ISL1: variants seen among roughly 807,000 people sequenced by gnomAD.
ISL1 encodes insulin gene enhancer protein ISL-1.
A neutral mutation model predicts 35.3 loss-of-function variants in ISL1; 4 were observed. The observed-to-expected ratio is 0.11, with a 90% CI of 0.06 to 0.26. ISL1 has a LOEUF of 0.26. Among genes scored for constraint, ISL1 ranks in the 10% least tolerant of loss-of-function variants. The pLI is 1.00. For missense variants in ISL1, 340 were observed against 472.8 expected, an observed-to-expected ratio of 0.72 and a Z score of 2.60; for synonymous variants, 186 against 172.3, an observed-to-expected ratio of 1.08 and a Z score of -0.62.
At chr5:51,386,523 A>G in intron 2 of ISL1, 1 of 451,700 alleles carries the variant, frequency 2.2e-6, no homozygotes, top group South Asian at 1.6e-5. Flanking sequence ...TCTCTCTTCC[A>G]TTCTTTCTGT....
At chr5:51,385,545 T>A (rs2111837389) in intron 2 of ISL1, among the ~76,000 whole-genome samples, 1 of 150,660 alleles carries the variant, frequency 6.6e-6, no homozygotes, top group South Asian at 2.1e-4. Flanking sequence ...ACATAGGAAC[T>A]TTCTGAGTTT....
intron 2 of ISL1, chr5:51,386,737 G>T: frequency 2.4e-6 from 1 of 410,860 alleles, no homozygotes; most frequent in Non-Finnish European, 4.8e-6. Flanking sequence ...TCAGCAACTT[G>T]AAAAAGATTG....
chr5:51,391,253 G>C (rs182071569), intron 4 of ISL1, 21 bp from the exon 5 acceptor site: 5 of 1,611,486 alleles, frequency 3.1e-6, no homozygotes, highest in Non-Finnish European at 4.2e-6. Context: ...TGTTGGGATT[G>C]GTTGGGGGGC....
Position 51,387,066 on chromosome 5 carries a change from G to C in ISL1, c.219-424G>C, listed in dbSNP as rs28628705. Among the ~76,000 whole-genome samples, 1 of 152,022 alleles carries C rather than the reference G, an allele frequency of 6.6e-6. No homozygotes were observed. Among genetic ancestry groups the C allele is most frequent in the Non-Finnish European group, 1.5e-5 (1 of 67,996 alleles). On this transcript the variant is annotated intron_variant, in intron 2 of 5. Coordinates refer to ENST00000230658, the MANE Select transcript of ISL1 (RefSeq NM_002202.3). This position sits in a 1 kb window ranked among gnomAD's most constrained non-coding sequence, Gnocchi z 4.3. ...ATAGGGAAGTGAAAGTGTTGGTGTC[G>C]GTGGCCACCAGAGTCTTTCTGGATT...
rs1037901627 is a variant in ISL1, at chr5:51,383,453, T to TGCC, written c.-210_-208dup. On this transcript the variant is annotated 5_prime_UTR_variant, in exon 1 of 6. Coordinates refer to ENST00000230658, the MANE Select transcript of ISL1 (RefSeq NM_002202.3). ...AGAGGTGCCCGAGCCGCGCCGAGTCTGCCGCCGCCGCAGCGCCTCCGCTCC... is the reference window on the plus strand; with the variant it reads ...AGAGGTGCCCGAGCCGCGCCGAGTCTGCCGCCGCCGCCGCAGCGCCTCCGCTCC... The TGCC allele has an allele frequency of 3.7e-5, 23 of 617,096 alleles. No homozygotes were observed. The highest frequency in any genetic ancestry group is 5.8e-5 in the South Asian group (3 of 51,884). The allele number at this position is 617,096 out of a possible 1,614,324, so 38.2% of individuals were successfully genotyped here.
rs747933667 is a variant in ISL1 at position 51,389,453 on chromosome 5, G to A, written c.479-193G>A. Among the ~76,000 whole-genome samples the A allele has an allele frequency of 8.4e-5, 12 of 142,224 alleles. No individual in the cohort carries two copies. The highest frequency in any genetic ancestry group is 1.5e-4 in the Non-Finnish European group (10 of 66,400). 93.3% of individuals were successfully genotyped at this position (142,224 alleles called of 152,430 possible). On this transcript the variant is annotated intron_variant, in intron 3 of 5. Coordinates refer to ENST00000230658, the MANE Select transcript of ISL1 (RefSeq NM_002202.3). The surrounding 1 kb of genome is among the most constrained non-coding windows in gnomAD (Gnocchi z 5.0). ...TTTTATTCTCCCTTTCACCCTCTTC[G>A]CCCCCACCTCTGCCGCCCCCTGCTT...
chr5:51,391,692 T>G (rs1747519659), intron 5 of ISL1, among the ~76,000 whole-genome samples: 1 of 152,068 alleles, frequency 6.6e-6, no homozygotes, highest in Non-Finnish European at 1.5e-5. Flanking sequence ...AGGCCTTCTT[T>G]GAAGGATTAA....
rs1747428822 is a variant in ISL1, at chr5:51,389,452, C to T, written c.479-194C>T. Among the ~76,000 whole-genome samples, 1 of 152,020 alleles carries T rather than the reference C, an allele frequency of 6.6e-6. No homozygotes were observed. The highest frequency in any genetic ancestry group is 1.5e-5 in the Non-Finnish European group (1 of 67,986). On this transcript the variant is annotated intron_variant, in intron 3 of 5. Coordinates refer to ENST00000230658, the MANE Select transcript of ISL1 (RefSeq NM_002202.3). The surrounding 1 kb of genome is among the most constrained non-coding windows in gnomAD (Gnocchi z 5.0). ...ATTTTATTCTCCCTTTCACCCTCTT[C>T]GCCCCCACCTCTGCCGCCCCCTGCT... is the stretch of plus-strand genomic sequence containing the variant.
intron 5 of ISL1, 95 bp from the exon 6 acceptor site, chr5:51,393,399 C>A (rs1245055867): frequency 2.5e-6 from 2 of 791,132 alleles, no homozygotes; most frequent in East Asian, 2.5e-5. Context: ...TATCTATCTA[C>A]ACAAACATTT....
chr5:51,383,781 G>A, intron 1 of ISL1, 82 bp downstream of exon 1: 3 of 1,233,588 alleles, frequency 2.4e-6, no homozygotes, highest in Non-Finnish European at 2.4e-6. Context: ...GAGGTGCCAA[G>A]GGCTCTTTGG....
At chr5:51,393,336 T>TA (rs1747560968) in intron 5 of ISL1, among the ~76,000 whole-genome samples, 158 bp from the exon 6 acceptor site, 2 of 152,274 alleles carry the variant, frequency 1.3e-5, no homozygotes, top group Non-Finnish European at 2.9e-5. Flanking sequence ...TTTTCTCCTC[T>TA]AGGCTTTCTC....
Position 51,387,478 on chromosome 5 carries a change from TC to T in ISL1, c.219-7del, listed in dbSNP as rs766419905. The T allele has an allele frequency of 4.2e-5, 68 of 1,613,608 alleles. No homozygotes were observed. In the Middle Eastern group the frequency reaches 2.0e-3, roughly 47 times the overall value. Reference sequence around the variant, plus strand: ...GCTCTGGGCCGCCTCCGCTCCCCCCTCCCCCGCACAGGTTGTACGGGATCAA... The same window carrying T: ...GCTCTGGGCCGCCTCCGCTCCCCCCTCCCCGCACAGGTTGTACGGGATCAA... On this transcript the variant is annotated splice_polypyrimidine_tract_variant and intron_variant, in intron 2 of 5. Coordinates refer to ENST00000230658, the MANE Select transcript of ISL1 (RefSeq NM_002202.3). The surrounding 1 kb of genome is among the most constrained non-coding windows in gnomAD (Gnocchi z 4.3).
chr5:51,390,405 C>A (rs896130371), intron 4 of ISL1, among the ~76,000 whole-genome samples: 4 of 152,104 alleles, frequency 2.6e-5, no homozygotes, highest in Non-Finnish European at 5.9e-5. Context: ...CCAGGGCGCA[C>A]CGCACTTCTA....
Position 51,391,458 on chromosome 5 carries a change from A to T in ISL1, c.933+17A>T, listed in dbSNP as rs776112092. On this transcript the variant is annotated intron_variant, in intron 5 of 5. Coordinates refer to ENST00000230658, the MANE Select transcript of ISL1 (RefSeq NM_002202.3). ...CAGCAACTGGTAAGTGTCAGCTCCC[A>T]GATGGAAGAGGCTGAATTCCCAACA... 8.7e-6 allele frequency: 14 copies of T among 1,613,742 alleles called. No homozygotes were observed. The South Asian group carries it at 1.5e-4, about 18-fold the overall frequency.
In ISL1 at chr5:51,387,036, G is replaced by A. The variant is rs1441961035; in HGVS notation, c.219-454G>A. On this transcript the variant is annotated intron_variant, in intron 2 of 5. Coordinates refer to ENST00000230658, the MANE Select transcript of ISL1 (RefSeq NM_002202.3). This position sits in a 1 kb window ranked among gnomAD's most constrained non-coding sequence, Gnocchi z 4.3. ...TTAGACATTTCTAGCAGCAGAAATT[G>A]TGGGATAGGGAAGTGAAAGTGTTGG... Among the ~76,000 whole-genome samples, 3 of 152,136 alleles carry A rather than the reference G, an allele frequency of 2.0e-5. No individual in the cohort carries two copies. The highest frequency in any genetic ancestry group is 4.4e-5 in the Non-Finnish European group (3 of 68,036).
At chr5:51,390,642 CTTTTTTTTTTTTTTTTT>C (rs57707586) in intron 4 of ISL1, among the ~76,000 whole-genome samples, 55 of 40,250 alleles carry the variant, frequency 1.4e-3, no homozygotes, top group Non-Finnish European at 2.2e-3. Flanking sequence ...CTTTCTTTTT[CTTTTTTTTTTTTTTTTT>C]TTTTTTTTTT....
At chr5:51,385,026 CTTACA>C (rs1747310209) in intron 2 of ISL1, among the ~76,000 whole-genome samples, 4 of 152,172 alleles carry the variant, frequency 2.6e-5, no homozygotes, top group Non-Finnish European at 4.4e-5. Flanking sequence ...CACCCTCCCC[CTTACA>C]AAACAAAATT....
rs1747508318 is a variant in ISL1, at chr5:51,391,330, C to G, written c.822C>G (p.Asp274Glu). The change falls in exon 5 of 6, where the codon GAC becomes GAG. Residue 274 changes from aspartate (D) to glutamate (E), a missense_variant. Asp to Glu is a conservative substitution (Grantham distance 45). Transcript: ENST00000230658. ...PMVAASPERH[D>E]GGLQANPVEV... Reference sequence around the variant, plus strand: ...TGGCTGCCAGTCCAGAGAGACACGACGGTGGCTTACAGGCTAACCCAGTGG... The same window carrying G: ...TGGCTGCCAGTCCAGAGAGACACGAGGGTGGCTTACAGGCTAACCCAGTGG... 6.2e-7 allele frequency: 1 copy of G among 1,613,792 alleles called. No individual in the cohort carries two copies. Among genetic ancestry groups the G allele is most frequent in the Non-Finnish European group, 8.5e-7 (1 of 1,180,008 alleles).
chr5:51,390,031 G>C (rs1318845581), intron 4 of ISL1, 99 bp downstream of exon 4: 1 of 1,387,420 alleles, frequency 7.2e-7, no homozygotes, highest in African/African-American at 1.4e-5. Context: ...TTTCAATCCT[G>C]CTCCTGGGCA....
Sources: allele counts gnomAD v4.1 joint callset (sites outside exome capture counted in the v4.1 genomes callset), GRCh38; gene constraint gnomAD v4.1.1; non-coding constraint Gnocchi (gnomAD v3.1); transcripts MANE v1.5; gene names NCBI Gene and HGNC (gene_info 2026-07-23, HGNC 2026-07-21).